ANAPC10: variants seen among roughly 807,000 people sequenced by gnomAD.
ANAPC10 encodes anaphase promoting complex subunit 10.
In ANAPC10, 12 loss-of-function variants were observed where a neutral mutation model predicts 22.0. That is an observed-to-expected ratio of 0.55 (90% CI 0.35 to 0.88). The LOEUF is 0.88. Ranked by LOEUF, ANAPC10 falls within the 40% of genes least tolerant of loss-of-function variation. The pLI is 0.01. For missense variants in ANAPC10, 188 were observed against 220.9 expected, an observed-to-expected ratio of 0.85 and a Z score of 0.94; for synonymous variants, 65 against 69.5, an observed-to-expected ratio of 0.94 and a Z score of 0.32.
At chr4:145,004,219 T>A (rs188714895) in intron 4 of ANAPC10, among the ~76,000 whole-genome samples, 1 of 152,294 alleles carries the variant, frequency 6.6e-6, no homozygotes, top group Non-Finnish European at 1.5e-5. Flanking sequence ...AAGTCATTTA[T>A]CAGATCAAGG....
intron 4 of ANAPC10, among the ~76,000 whole-genome samples, chr4:145,022,332 C>A (rs1736075913): frequency 6.6e-6 from 1 of 152,014 alleles, no homozygotes; most frequent in African/African-American, 2.4e-5. Flanking sequence ...TACTACTCAG[C>A]CATAAAAAGG....
intron 4 of ANAPC10, among the ~76,000 whole-genome samples, chr4:145,054,645 G>A (rs1281137722): frequency 1.7e-4 from 25 of 144,102 alleles, no homozygotes; most frequent in Admixed American, 8.9e-4. Flanking sequence ...GTGTGTGCGC[G>A]CGCGCGCGCG....
intron 4 of ANAPC10, among the ~76,000 whole-genome samples, chr4:145,038,165 CTCTA>C (rs1738896832): frequency 6.6e-6 from 1 of 151,914 alleles, no homozygotes; most frequent in Non-Finnish European, 1.5e-5. Context: ...GAGACCCTAT[CTCTA>C]CAAAATAAAA....
At chr4:145,090,096 T>A (rs1043737102) in intron 2 of ANAPC10, among the ~76,000 whole-genome samples, 2 of 152,186 alleles carry the variant, frequency 1.3e-5, no homozygotes. Flanking sequence ...TGTATACCTC[T>A]GCACATATTA....
At chr4:145,083,013 T>G (rs867814405) in intron 2 of ANAPC10, among the ~76,000 whole-genome samples, 1 of 152,202 alleles carries the variant, frequency 6.6e-6, no homozygotes, top group Non-Finnish European at 1.5e-5. Flanking sequence ...CAGTCATATA[T>G]GTATTCTTTC....
intron 4 of ANAPC10, among the ~76,000 whole-genome samples, chr4:145,036,425 C>T (rs546137591): frequency 6.6e-5 from 10 of 152,142 alleles, no homozygotes; most frequent in Non-Finnish European, 1.3e-4. Flanking sequence ...AATTGGCTAA[C>T]ATAGCTAACA....
chr4:145,090,184 T>A (rs908323306), intron 2 of ANAPC10, among the ~76,000 whole-genome samples: 1 of 152,200 alleles, frequency 6.6e-6, no homozygotes, highest in African/African-American at 2.4e-5. Context: ...AAGTCCCTTA[T>A]TTAAAATGGC....
chr4:145,027,859 A>C (rs1398825946), intron 4 of ANAPC10, among the ~76,000 whole-genome samples: 1 of 152,222 alleles, frequency 6.6e-6, no homozygotes, highest in Non-Finnish European at 1.5e-5. Flanking sequence ...CCACCAATAA[A>C]GGAAGTAAAC....
chr4:145,079,829 C>G (rs992604189), intron 3 of ANAPC10, among the ~76,000 whole-genome samples: 2 of 152,036 alleles, frequency 1.3e-5, no homozygotes, highest in African/African-American at 4.8e-5. Flanking sequence ...ACACTGAATA[C>G]ATGGCTAGGT....
intron 4 of ANAPC10, among the ~76,000 whole-genome samples, chr4:145,041,016 T>A (rs1317125087): frequency 2.6e-5 from 4 of 152,152 alleles, no homozygotes; most frequent in Non-Finnish European, 4.4e-5. Flanking sequence ...ACACCTCCAG[T>A]TATATTAAAA....
intron 4 of ANAPC10, among the ~76,000 whole-genome samples, chr4:145,046,663 T>G (rs960526403): frequency 2.6e-5 from 4 of 152,062 alleles, no homozygotes; most frequent in Non-Finnish European, 5.9e-5. Context: ...AATCTGTATA[T>G]CTACTCGAAT....
At chr4:145,023,100 T>C (rs1736193108) in intron 4 of ANAPC10, among the ~76,000 whole-genome samples, 1 of 152,056 alleles carries the variant, frequency 6.6e-6, no homozygotes, top group East Asian at 1.9e-4. Context: ...TATATAGCAG[T>C]GAGGATGAAC....
intron 4 of ANAPC10, chr4:145,032,996 A>C (rs1737852072): frequency 6.6e-6 from 1 of 152,230 alleles, no homozygotes; most frequent in African/African-American, 2.4e-5. Flanking sequence ...TTACAGCTAA[A>C]GAAGTATGGC....
At chr4:145,084,289 CTAGT>C (rs745320444) in intron 2 of ANAPC10, among the ~76,000 whole-genome samples, 4 of 152,134 alleles carry the variant, frequency 2.6e-5, no homozygotes, top group Non-Finnish European at 5.9e-5. Flanking sequence ...TTTCAAATTA[CTAGT>C]TAGCTAGATA....
At chr4:145,051,681 T>C (rs187680386) in intron 4 of ANAPC10, among the ~76,000 whole-genome samples, 2 of 152,188 alleles carry the variant, frequency 1.3e-5, no homozygotes, top group Non-Finnish European at 2.9e-5. Context: ...GAAAAATTCA[T>C]GCAGTTAGAG....
chr4:145,057,583 T>C (rs1742243048), intron 4 of ANAPC10, among the ~76,000 whole-genome samples: 1 of 152,184 alleles, frequency 6.6e-6, no homozygotes, highest in Non-Finnish European at 1.5e-5. Context: ...TCTGTATCTC[T>C]AACCCAGACT....
At chr4:145,037,047 T>TGTGTGTGTGC (rs1245481901) in intron 4 of ANAPC10, among the ~76,000 whole-genome samples, 21 of 148,400 alleles carry the variant, frequency 1.4e-4, no homozygotes, top group African/African-American at 5.3e-4. Flanking sequence ...TGTATGTGTG[T>TGTGTGTGTGC]GCATGCATGA....
At chr4:144,999,991 G>C (rs1003041816) in intron 4 of ANAPC10, among the ~76,000 whole-genome samples, 1 of 152,146 alleles carries the variant, frequency 6.6e-6, no homozygotes, top group African/African-American at 2.4e-5. Context: ...GGGAAAACTG[G>C]CTAGCCATAT....
intron 2 of ANAPC10, 140 bp downstream of exon 2, chr4:145,095,845 T>C (rs1349990): frequency 0.34 from 354,447 of 1,029,130 alleles, 65,993 homozygotes; most frequent in Non-Finnish European, 0.39. Flanking sequence ...AGTATTAATA[T>C]AGAAAGGGTT....
Sources: gnomAD v4.1 joint callset for allele counts (sites outside exome capture counted in the v4.1 genomes callset) on GRCh38, gnomAD v4.1.1 for gene constraint, MANE v1.5 for transcripts, NCBI Gene and HGNC (gene_info 2026-07-23, HGNC 2026-07-21) for gene names.